CHD8: variants seen among roughly 807,000 people sequenced by gnomAD.
CHD8 encodes the protein ATP-dependent chromatin remodeler CHD8.
In CHD8, 31 loss-of-function variants were observed where a neutral mutation model predicts 279.2. That is an observed-to-expected ratio of 0.11 (90% CI 0.08 to 0.15). The LOEUF (loss-of-function observed/expected upper bound fraction) is 0.15. CHD8 is among the 10% of genes least tolerant of loss of function. The pLI, the probability that CHD8 is intolerant of heterozygous loss-of-function variation, is 1.00. For synonymous variants in CHD8, 1,081 were observed against 1,139.6 expected, an observed-to-expected ratio of 0.95 and a Z score of 1.04; for missense variants, 2,146 against 3,230.5, an observed-to-expected ratio of 0.66 and a Z score of 8.14.
In CHD8 at chr14:21,403,738, G is replaced by A. The variant is rs1312974688; in HGVS notation, c.3308-75C>T. The A allele has an allele frequency of 3.3e-5, 40 of 1,229,332 alleles. No homozygotes were observed. The highest frequency in any genetic ancestry group is 3.0e-4 in the Admixed American group (13 of 43,988). 76.2% of individuals were successfully genotyped at this position (1,229,332 alleles called of 1,614,324 possible). On this transcript the variant is annotated intron_variant, in intron 16 of 37. Coordinates refer to ENST00000646647, the MANE Select transcript of CHD8 (RefSeq NM_001170629.2). This position sits in a 1 kb window ranked among gnomAD's most constrained non-coding sequence, Gnocchi z 4.3. ...GGTTGTAGTCTATTTAACTAAGAAA[G>A]CAAAAGGAAAAAAATGTAATTTGAC...
At chr14:21,422,554 A>G (rs926000189) in intron 5 of CHD8, among the ~76,000 whole-genome samples, 6 of 152,248 alleles carry the variant, frequency 3.9e-5, no homozygotes, top group African/African-American at 1.4e-4. Context: ...TTTACTTAAA[A>G]AACAAGTTGT....
Position 21,431,425 on chromosome 14 carries a change from T to C in CHD8, c.219A>G (p.Thr73=). ...ASELVPPPEE[T]APTELSKEST... ...ATTCTTTGGAAAGTTCTGTGGGAGC[T>C]GTTTCCTCTGGTGGAGGGACCAGTT... is the stretch of plus-strand genomic sequence containing the variant. Residue 73 remains threonine (T), a synonymous_variant, in exon 2 of 38, where the codon ACA becomes ACG. Transcript: ENST00000646647. 6.5e-7 allele frequency: 1 copy of C among 1,537,210 alleles called. No individual in the cohort carries two copies. The highest frequency in any genetic ancestry group is 8.7e-7 in the Non-Finnish European group (1 of 1,146,904).
chr14:21,410,668 A>G (rs989476756), intron 10 of CHD8, among the ~76,000 whole-genome samples: 1 of 152,370 alleles, frequency 6.6e-6, no homozygotes, highest in Admixed American at 6.5e-5. Context: ...CAAGATGATC[A>G]CTGCACTTAC....
In CHD8 at chr14:21,399,994, C is replaced by T; in HGVS notation, c.4804G>A (p.Gly1602Ser). 1 of 1,612,916 alleles carries T rather than the reference C, an allele frequency of 6.2e-7. No individual in the cohort carries two copies. Among genetic ancestry groups the T allele is most frequent in the Non-Finnish European group, 8.5e-7 (1 of 1,179,748 alleles). ...IGDQAEKVLG[G>S]AIASEIDIWF... ...GCAGAATTTTACCTGGCAATCGCAC[C>T]CCCTAACACCTTTTCTGCTTGGTCT... Residue 1602 changes from glycine to serine, a missense_variant, in exon 25 of 38, where the codon GGT becomes AGT. Coordinates refer to ENST00000646647, the MANE Select transcript of CHD8 (RefSeq NM_001170629.2).
intron 5 of CHD8, among the ~76,000 whole-genome samples, chr14:21,423,837 G>T (rs1192111119): frequency 6.6e-6 from 1 of 152,096 alleles, no homozygotes; most frequent in Non-Finnish European, 1.5e-5. Context: ...ACCCTATTTG[G>T]TAAGTACTAT....
intron 11 of CHD8, among the ~76,000 whole-genome samples, chr14:21,409,497 A>T (rs536571452): frequency 2.0e-5 from 3 of 152,348 alleles, no homozygotes; most frequent in African/African-American, 7.2e-5. Flanking sequence ...GTATGCAATG[A>T]TTGGTACCAA....
chr14:21,390,437 A>G (rs774512408), intron 37 of CHD8, among the ~76,000 whole-genome samples: 2 of 152,136 alleles, frequency 1.3e-5, no homozygotes, highest in Admixed American at 6.5e-5. Context: ...TTAGAATGTT[A>G]TGCTCTCCTA....
chr14:21,434,919 C>A (rs1016998862), intron 1 of CHD8, among the ~76,000 whole-genome samples: 1 of 152,188 alleles, frequency 6.6e-6, no homozygotes, highest in Non-Finnish European at 1.5e-5. Context: ...GCTCATCTAT[C>A]TCATGAATCC....
intron 1 of CHD8, among the ~76,000 whole-genome samples, chr14:21,440,923 A>G (rs1032387187): frequency 6.6e-6 from 1 of 152,118 alleles, no homozygotes; most frequent in African/African-American, 2.4e-5. Flanking sequence ...TGTATAGTGA[A>G]CATTTGCTAG....
intron 37 of CHD8, among the ~76,000 whole-genome samples, chr14:21,389,582 G>C (rs1164557210): frequency 6.6e-6 from 1 of 152,176 alleles, no homozygotes; most frequent in Non-Finnish European, 1.5e-5. Flanking sequence ...CTGCCCTCCA[G>C]CCTGGGTGAC....
rs1242431925 is a variant in CHD8, at chr14:21,431,361, A to C, written c.283T>G (p.Tyr95Asp). The C allele has an allele frequency of 1.0e-5, 16 of 1,537,474 alleles. No individual in the cohort carries two copies. Among genetic ancestry groups the C allele is most frequent in the Admixed American group, 2.0e-5 (1 of 51,002 alleles). ...PAPESITLHD[Y>D]TTQPASQEQP... The stretch of plus-strand genomic sequence containing the variant: ...TCCTGGCTGGCAGGCTGAGTGGTAT[A>C]ATCATGCAAGGTTATGGATTCTGGA... The change falls in exon 2 of 38, where the codon TAT becomes GAT. Residue 95 changes from tyrosine to aspartate, a missense_variant. By Grantham distance (160) the Tyr-to-Asp change is radical. Coordinates refer to ENST00000646647, the MANE Select transcript of CHD8 (RefSeq NM_001170629.2).
At chr14:21,437,362 G>A (rs1889831262) in intron 1 of CHD8, 4 of 702,570 alleles carry the variant, frequency 5.7e-6, no homozygotes, top group South Asian at 6.3e-5. Flanking sequence ...CGCAAAGGGT[G>A]GGACTATAAG....
At chr14:21,388,375 G>A (rs1289232914) in intron 37 of CHD8, among the ~76,000 whole-genome samples, 3 of 152,066 alleles carry the variant, frequency 2.0e-5, no homozygotes, top group African/African-American at 2.4e-5. Context: ...AAACAATACC[G>A]TGTAACAACT....
chr14:21,394,714 G>T, intron 30 of CHD8, 198 bp downstream of exon 30: 1 of 614,580 alleles, frequency 1.6e-6, no homozygotes. Context: ...CAATGAAAAT[G>T]TCTACACAGG....
chr14:21,431,792 C>T lies in CHD8; in HGVS notation c.-149G>A, dbSNP rs1321271411. Reference sequence around the variant, plus strand: ...CAAGTATAGAGGCAAGAAACAAGTGCATGTCAGATTGTCCTGACCTTCATG... The same window carrying T: ...CAAGTATAGAGGCAAGAAACAAGTGTATGTCAGATTGTCCTGACCTTCATG... On this transcript the variant is annotated 5_prime_UTR_variant, in exon 2 of 38. An upstream start codon of the reference 5' UTR is lost. Transcript: ENST00000646647. 1.2e-6 allele frequency: 2 copies of T among 1,613,552 alleles called. No individual in the cohort carries two copies. The highest frequency in any genetic ancestry group is 3.3e-5 in the Admixed American group (2 of 60,014).
chr14:21,395,413 C>T, intron 28 of CHD8, 61 bp from the exon 29 acceptor site: 7 of 1,191,600 alleles, frequency 5.9e-6, no homozygotes, highest in South Asian at 3.9e-5. Context: ...GAAGTTGGCA[C>T]TCTGAAATCA....
chr14:21,421,054 C>T (rs940059029), intron 5 of CHD8, among the ~76,000 whole-genome samples: 1 of 152,194 alleles, frequency 6.6e-6, no homozygotes, highest in Non-Finnish European at 1.5e-5. Context: ...AGCCACCGCA[C>T]CTGGCCTCAT....
At position 21,414,644 on chromosome 14, in the gene CHD8, C is replaced by A. The variant is rs1888639012; in HGVS notation, c.2025-226G>T. The stretch of plus-strand genomic sequence containing the variant: ...AAAAAGCACCCAAGTAATGCTAATT[C>A]TGCTGATCCATGGGCCATATTTTGA... On this transcript the variant is annotated intron_variant, in intron 8 of 37. Coordinates refer to ENST00000646647, the MANE Select transcript of CHD8 (RefSeq NM_001170629.2). The A allele has an allele frequency of 1.2e-5, 7 of 593,090 alleles. No homozygotes were observed. The East Asian group carries it at 2.0e-4, about 17-fold the overall frequency. 36.7% of individuals were successfully genotyped at this position (593,090 alleles called of 1,614,324 possible).
chr14:21,395,226 G>A, intron 29 of CHD8, 72 bp downstream of exon 29: 2 of 1,526,610 alleles, frequency 1.3e-6, no homozygotes, highest in Non-Finnish European at 1.8e-6. Context: ...CCCAGGATAG[G>A]ACAGAATTCA....
Sources: gnomAD v4.1 joint callset for allele counts (sites outside exome capture counted in the v4.1 genomes callset) on GRCh38, gnomAD v4.1.1 for gene constraint, Gnocchi (gnomAD v3.1) non-coding constraint, MANE v1.5 for transcripts, NCBI Gene and HGNC (gene_info 2026-07-23, HGNC 2026-07-21) for gene names.